Variants in CSF2RB observed in about 807,000 individuals in gnomAD.
CSF2RB encodes the protein cytokine receptor common subunit beta.
A neutral mutation model predicts 67.2 loss-of-function variants in CSF2RB; 22 were observed. The observed-to-expected ratio is 0.33, with a 90% CI of 0.23 to 0.47. The LOEUF is 0.47. Among genes scored for constraint, CSF2RB ranks in the 20% least tolerant of loss-of-function variants. CSF2RB has a pLI of 1.00. For synonymous variants in CSF2RB, 507 were observed against 482.9 expected (o/e 1.05, Z -0.65); for missense variants, 1,113 against 1,174.5 (o/e 0.95, Z 0.76).
chr22:36,938,091 A>C lies in CSF2RB; in HGVS notation c.2283A>C (p.Ser761=), dbSNP rs1218494171. 1 of 1,613,940 alleles carries C rather than the reference A, an allele frequency of 6.2e-7. No homozygotes were observed. The highest frequency in any genetic ancestry group is 1.1e-5 in the South Asian group (1 of 91,068). ...CTGGAGCCCCAGGCCCTGTGAAGTC[A>C]GGGTTTGAGGGCTATGTGGAGCTCC... ...GPPGAPGPVK[S]GFEGYVELPP... The change falls in exon 14 of 14, where the codon TCA becomes TCC. Residue 761 remains serine, a synonymous_variant. Coordinates refer to ENST00000403662, the MANE Select transcript of CSF2RB (RefSeq NM_000395.3).
chr22:36,936,879 G>A (rs556679907), intron 13 of CSF2RB, among the ~76,000 whole-genome samples: 1 of 152,266 alleles, frequency 6.6e-6, no homozygotes, highest in Non-Finnish European at 1.5e-5. Flanking sequence ...GTGAAAGAGG[G>A]AAACAGTTGG....
rs375191235 is a variant in CSF2RB at position 36,924,776 on chromosome 22, T to C, written c.201-1211T>C. Among the ~76,000 whole-genome samples the C allele has an allele frequency of 3.6e-4, 55 of 152,176 alleles. No individual in the cohort carries two copies. The South Asian group carries it at 5.8e-3, about 16-fold the overall frequency. On this transcript the variant is annotated intron_variant, in intron 3 of 13. Coordinates refer to ENST00000403662, the MANE Select transcript of CSF2RB (RefSeq NM_000395.3). Reference sequence around the variant, plus strand: ...GGACCACCGCGGCCTCCCTGCAGTTTCTCTTGCACCTGACTCTGCCCACAG... The same window carrying C: ...GGACCACCGCGGCCTCCCTGCAGTTCCTCTTGCACCTGACTCTGCCCACAG...
intron 6 of CSF2RB, among the ~76,000 whole-genome samples, chr22:36,930,049 TAAC>T (rs1016969009): frequency 1.2e-4 from 19 of 152,350 alleles, no homozygotes; most frequent in African/African-American, 3.8e-4. Context: ...ATTACAATAA[TAAC>T]AACAACAGTG....
rs746137268 is a variant in CSF2RB, at chr22:36,930,721, C to T, written c.903C>T (p.His301=). The T allele has an allele frequency of 6.2e-7, 1 of 1,613,376 alleles. No homozygotes were observed. The highest frequency in any genetic ancestry group is 1.3e-5 in the African/African-American group (1 of 74,904). ...PVLREGLGSL[H]TRHHCQIPVP... ...TGAGGGAGGGGCTCGGCAGCCTCCA[C>T]ACCAGGCACCACTGCCAGATTCCCG... The change falls in exon 8 of 14, where the codon CAC becomes CAT. Residue 301 remains histidine, a synonymous_variant. Coordinates refer to ENST00000403662, the MANE Select transcript of CSF2RB (RefSeq NM_000395.3).
At chr22:36,922,866 G>A in intron 2 of CSF2RB, 1 of 347,800 alleles carries the variant, frequency 2.9e-6, no homozygotes, top group South Asian at 2.7e-5. Context: ...GTAGAACTCT[G>A]CCACGCTGCA....
At chr22:36,924,758 C>T (rs575792887) in intron 3 of CSF2RB, among the ~76,000 whole-genome samples, 11 of 152,292 alleles carry the variant, frequency 7.2e-5, no homozygotes, top group African/African-American at 1.9e-4. Context: ...GGAGGACCAC[C>T]GCGGCCTCCC....
At chr22:36,917,865 G>A (rs1217773368) in intron 1 of CSF2RB, among the ~76,000 whole-genome samples, 1 of 152,068 alleles carries the variant, frequency 6.6e-6, no homozygotes, top group East Asian at 1.9e-4. Context: ...AGAGATTGCA[G>A]TGAGCCGAGA....
intron 9 of CSF2RB, 77 bp from the exon 10 acceptor site, chr22:36,933,755 G>T (rs1007168558): frequency 6.5e-7 from 1 of 1,532,478 alleles, no homozygotes. Context: ...CAGCGAAGCC[G>T]AGGGTCCAGG....
In CSF2RB at chr22:36,930,660, C is replaced by G. The variant is rs745934088; in HGVS notation, c.855-13C>G. On this transcript the variant is annotated splice_polypyrimidine_tract_variant and intron_variant, in intron 7 of 13. Transcript: ENST00000403662. ...CTCCCTCTCCCTGCCCTCAGCTCTG[C>G]TGTGCTCCTCAGGGAGGAAGAGTGC... 1 of 1,612,302 alleles carries G rather than the reference C, an allele frequency of 6.2e-7. No individual in the cohort carries two copies. The highest frequency in any genetic ancestry group is 2.2e-5 in the East Asian group (1 of 44,888).
At chr22:36,924,201 C>T (rs1171833671) in intron 3 of CSF2RB, among the ~76,000 whole-genome samples, 2 of 151,780 alleles carry the variant, frequency 1.3e-5, no homozygotes, top group African/African-American at 2.4e-5. Flanking sequence ...CTCCCTGTGA[C>T]CTGCTTCCTG....
intron 4 of CSF2RB, among the ~76,000 whole-genome samples, chr22:36,926,651 C>T (rs917361895): frequency 7.9e-5 from 12 of 152,230 alleles, no homozygotes; most frequent in African/African-American, 2.9e-4. Flanking sequence ...GGGAGCTTGT[C>T]TCCTCGCTGC....
rs1333240451 is a variant in CSF2RB, at chr22:36,938,592, G to A, written c.*90G>A. 1.4e-6 allele frequency: 2 copies of A among 1,393,352 alleles called. No homozygotes were observed. The highest frequency in any genetic ancestry group is 9.7e-7 in the Non-Finnish European group (1 of 1,035,300). 86.3% of individuals were successfully genotyped at this position (1,393,352 alleles called of 1,614,324 possible). A position where few individuals can be genotyped will look rare whatever the true frequency, so the allele number is the denominator to read the frequency against. On this transcript the variant is annotated 3_prime_UTR_variant, in exon 14 of 14. Coordinates refer to ENST00000403662, the MANE Select transcript of CSF2RB (RefSeq NM_000395.3). The stretch of plus-strand genomic sequence containing the variant: ...TCAGTCATTTCTGCAAAGCCAAGGG[G>A]CAGCCTCCTGTCAAGGTAGCTAGAG...
chr22:36,922,051 A>G lies in CSF2RB; in HGVS notation c.-157A>G. 1 of 659,546 alleles carries G rather than the reference A, an allele frequency of 1.5e-6. No homozygotes were observed. The highest frequency in any genetic ancestry group is 1.7e-5 in the South Asian group (1 of 58,944). 40.9% of individuals were successfully genotyped at this position (659,546 alleles called of 1,614,324 possible). A position where few individuals can be genotyped will look rare whatever the true frequency, so the allele number is the denominator to read the frequency against. ...CCTTCTGCAGGCCTGGAGGAGGCAG[A>G]GGCCAGGAGGGAGAGGTCCCAAGAG... On this transcript the variant is annotated 5_prime_UTR_variant, in exon 2 of 14. Coordinates refer to ENST00000403662, the MANE Select transcript of CSF2RB (RefSeq NM_000395.3).
chr22:36,937,659 C>A lies in CSF2RB; in HGVS notation c.1851C>A (p.Ser617Arg), dbSNP rs769532475. ...GQPEPPQEGG[S>R]QKSPPPGSLE... ...CGGAGCCCCCACAGGAGGGTGGGAG[C>A]CAGAAGTCCCCACCTCCAGGGTCCC... The change falls in exon 14 of 14, where the codon AGC becomes AGA. Residue 617 changes from serine (S) to arginine (R), a missense_variant. Transcript: ENST00000403662. The surrounding 1 kb of genome is among the most constrained non-coding windows in gnomAD (Gnocchi z 4.6). 1.3e-6 allele frequency: 2 copies of A among 1,554,796 alleles called. No homozygotes were observed. The highest frequency in any genetic ancestry group is 2.4e-5 in the South Asian group (2 of 84,986).
chr22:36,926,231 G>A, intron 4 of CSF2RB, 54 bp downstream of exon 4: 6 of 1,575,706 alleles, frequency 3.8e-6, no homozygotes, highest in Non-Finnish European at 5.2e-6. Context: ...GACAGCGGGG[G>A]CACCAGGGGT....
At chr22:36,923,761 C>A (rs1330486154) in intron 3 of CSF2RB, 5 of 1,297,126 alleles carry the variant, frequency 3.9e-6, no homozygotes, top group Non-Finnish European at 3.0e-6. Flanking sequence ...CAGAGTAGAC[C>A]AAGGAGAGAT....
At chr22:36,923,846 G>C in intron 3 of CSF2RB, 1 of 1,205,110 alleles carries the variant, frequency 8.3e-7, no homozygotes, top group Non-Finnish European at 1.1e-6. Flanking sequence ...CCACGGGGTA[G>C]ACAGTGGCAG....
At position 36,937,517 on chromosome 22, in the gene CSF2RB, A is replaced by AGAG; in HGVS notation, c.1710_1711insAGG (p.Gln570_Pro571insArg). The AGAG allele has an allele frequency of 6.2e-7, 1 of 1,613,848 alleles. No homozygotes were observed. The highest frequency in any genetic ancestry group is 1.7e-5 in the Admixed American group (1 of 60,008). Reference sequence around the variant, plus strand: ...CCCACAGAGCAGCCCCCCAGCCCCCAGCCAGGCCCGCCTGCCGCCTCCCAC... The same window carrying AGAG: ...CCCACAGAGCAGCCCCCCAGCCCCCAGAGGCCAGGCCCGCCTGCCGCCTCCCAC... On this transcript the variant is annotated inframe_insertion, in exon 14 of 14. Transcript: ENST00000403662. This position sits in a 1 kb window ranked among gnomAD's most constrained non-coding sequence, Gnocchi z 4.6.
At position 36,940,367 on chromosome 22, in the gene CSF2RB, C is replaced by T. The variant is rs571786913; in HGVS notation, c.*1865C>T. 2.6e-5 allele frequency: 4 copies of T among 152,058 alleles called. No individual in the cohort carries two copies. The highest frequency in any genetic ancestry group is 4.4e-5 in the Non-Finnish European group (3 of 68,038). The allele number at this position is 152,058 out of a possible 1,614,324, so 9.4% of individuals were successfully genotyped here. On this transcript the variant is annotated 3_prime_UTR_variant, in exon 14 of 14. Transcript: ENST00000403662. ...AACCAATGTGGATTAGAAAGAAGTC[C>T]GAGATATTAATTCCAAAATATCCAG...
Sources: allele counts gnomAD v4.1 joint callset (sites outside exome capture counted in the v4.1 genomes callset), GRCh38; gene constraint gnomAD v4.1.1; non-coding constraint Gnocchi (gnomAD v3.1); transcripts MANE v1.5; gene names NCBI Gene and HGNC (gene_info 2026-07-23, HGNC 2026-07-21).